The following KCNN3 variants were observed in gnomAD, a reference collection of about 807,000 sequenced individuals.
The protein encoded by KCNN3 is small conductance calcium-activated potassium channel protein 3.
Under a neutral mutation model 62.9 loss-of-function variants are expected in KCNN3, and 16 were observed. The ratio of observed to expected loss-of-function variants is 0.25; its 90% CI spans 0.17 to 0.39. KCNN3 has a LOEUF of 0.39. Ranked by LOEUF, KCNN3 falls within the 10% of genes least tolerant of loss-of-function variation. The pLI, the probability that KCNN3 is intolerant of heterozygous loss-of-function variation, is 1.00. For synonymous variants in KCNN3, 370 were observed against 389.2 expected (o/e 0.95, Z 0.58); for missense variants, 599 against 949.4 (o/e 0.63, Z 4.85).
intron 6 of KCNN3, among the ~76,000 whole-genome samples, chr1:154,714,279 G>A (rs1236886579): frequency 1.5e-5 from 2 of 131,138 alleles, no homozygotes; most frequent in Admixed American, 7.8e-5. Flanking sequence ...TGTGGTGTGT[G>A]TGGTGTGTGG....
chr1:154,858,024 T>A (rs1336302295), intron 1 of KCNN3, among the ~76,000 whole-genome samples: 1 of 152,160 alleles, frequency 6.6e-6, no homozygotes, highest in Non-Finnish European at 1.5e-5. Context: ...CTCAACTCCA[T>A]CCTAGACTTG....
At chr1:154,838,032 C>T (rs1651671501) in intron 1 of KCNN3, among the ~76,000 whole-genome samples, 1 of 152,180 alleles carries the variant, frequency 6.6e-6, no homozygotes, top group Non-Finnish European at 1.5e-5. Flanking sequence ...TCCTGGAGGA[C>T]TCACCCCTCT....
chr1:154,858,605 T>C (rs1371813818), intron 1 of KCNN3, among the ~76,000 whole-genome samples: 1 of 152,116 alleles, frequency 6.6e-6, no homozygotes, highest in Non-Finnish European at 1.5e-5. Context: ...ACACAGTGGG[T>C]GTTCAGGATA....
chr1:154,805,091 G>A (rs980673941), intron 2 of KCNN3, among the ~76,000 whole-genome samples: 4 of 152,172 alleles, frequency 2.6e-5, no homozygotes, highest in Admixed American at 2.6e-4. Flanking sequence ...CCCATGGGAG[G>A]GTCCTCTCTA....
rs956340277 is a variant in KCNN3 at position 154,772,651 on chromosome 1, T to A, written c.1030-258A>T. On this transcript the variant is annotated intron_variant, in intron 2 of 7. Coordinates refer to ENST00000271915, the MANE Select transcript of KCNN3 (RefSeq NM_002249.6). The surrounding 1 kb of genome is among the most constrained non-coding windows in gnomAD (Gnocchi z 5.6). ...CTCACTTTCCTCCTCTGCAAATCGC[T>A]GCCTGAGATATAGTGATTTATAATA... is the stretch of plus-strand genomic sequence containing the variant. Among the ~76,000 whole-genome samples the A allele has an allele frequency of 3.9e-5, 6 of 152,268 alleles. No homozygotes were observed. The highest frequency in any genetic ancestry group is 1.4e-4 in the African/African-American group (6 of 41,474).
intron 5 of KCNN3, among the ~76,000 whole-genome samples, chr1:154,721,893 T>C (rs1329114611): frequency 6.6e-6 from 1 of 151,276 alleles, no homozygotes; most frequent in Non-Finnish European, 1.5e-5. Context: ...AAGTTATAAT[T>C]ACAGAATAAC....
chr1:154,868,912 CTCTCTCTCTCTCTCTCTCTCTCTCAA>C, intron 1 of KCNN3, 94 bp downstream of exon 1: 1 of 996,844 alleles, frequency 1.0e-6, no homozygotes, highest in South Asian at 1.3e-5. Flanking sequence ...CTCTCTCTCT[CTCTCTCTCTCTCTCTCTCTCTCTCAA>C]TCTCTCTCTC....
chr1:154,714,609 T>TGC (rs763553824), intron 6 of KCNN3, among the ~76,000 whole-genome samples: 2,816 of 56,320 alleles, frequency 0.05, 137 homozygotes, highest in African/African-American at 0.11. Context: ...ATGTGTGGTG[T>TGC]GTGGTGTGTG....
chr1:154,865,136 G>C (rs1356224125), intron 1 of KCNN3, among the ~76,000 whole-genome samples: 1 of 152,040 alleles, frequency 6.6e-6, no homozygotes, highest in African/African-American at 2.4e-5. Context: ...CTGAACCCAG[G>C]GAAGAGAGCA....
rs1430236827 is a variant in KCNN3, at chr1:154,870,166, G to C, written c.-202C>G. 4.1e-6 allele frequency: 3 copies of C among 725,510 alleles called. No individual in the cohort carries two copies. The East Asian group carries it at 8.1e-5, about 20-fold the overall frequency. The allele number at this position is 725,510 out of a possible 1,614,324, so 44.9% of individuals were successfully genotyped here. ...TCAAGAATGCATTGTATTGGGCAGG[G>C]AGGGAGAGCAGGAGGGGAGCTTGGA... On this transcript the variant is annotated 5_prime_UTR_variant, in exon 1 of 8. Transcript: ENST00000271915.
intron 2 of KCNN3, among the ~76,000 whole-genome samples, chr1:154,779,720 G>A (rs1648942343): frequency 6.6e-6 from 1 of 152,186 alleles, no homozygotes; most frequent in South Asian, 2.1e-4. Context: ...GGACCTTGTT[G>A]GCAAATGCTG....
intron 3 of KCNN3, among the ~76,000 whole-genome samples, chr1:154,758,467 G>A (rs1023200202): frequency 6.6e-6 from 1 of 152,244 alleles, no homozygotes; most frequent in African/African-American, 2.4e-5. Context: ...GCCCGTTGCA[G>A]CATGTCTGGC....
In KCNN3 at chr1:154,809,374, T is replaced by C. The variant is rs1650308125; in HGVS notation, c.1029+12715A>G. On this transcript the variant is annotated intron_variant, in intron 2 of 7. Transcript: ENST00000271915. The surrounding 1 kb of genome is among the most constrained non-coding windows in gnomAD (Gnocchi z 4.3). Reference sequence around the variant, plus strand: ...CATGGCTCAATAAACACGTGTTCTATGAATGCAGAGCAGGCTTATTTGGGG... The same window carrying C: ...CATGGCTCAATAAACACGTGTTCTACGAATGCAGAGCAGGCTTATTTGGGG... Among the ~76,000 whole-genome samples, 1 of 151,998 alleles carries C rather than the reference T, an allele frequency of 6.6e-6. No individual in the cohort carries two copies. Among genetic ancestry groups the C allele is most frequent in the South Asian group, 2.1e-4 (1 of 4,808 alleles).
chr1:154,761,516 T>A (rs1648012515), intron 3 of KCNN3, among the ~76,000 whole-genome samples: 1 of 152,100 alleles, frequency 6.6e-6, no homozygotes, highest in Non-Finnish European at 1.5e-5. Context: ...ACTTAATGTT[T>A]CTATGTATTT....
intron 1 of KCNN3, among the ~76,000 whole-genome samples, chr1:154,859,278 T>A (rs1363395564): frequency 6.6e-6 from 1 of 152,244 alleles, no homozygotes; most frequent in African/African-American, 2.4e-5. Flanking sequence ...AAAGGGGTTT[T>A]GCTCTGCAAA....
At chr1:154,814,400 G>A (rs566775256) in intron 2 of KCNN3, among the ~76,000 whole-genome samples, 5 of 152,208 alleles carry the variant, frequency 3.3e-5, no homozygotes, top group Non-Finnish European at 7.3e-5. Context: ...GTCAGAGAAG[G>A]GAGTTGCAGG....
intron 6 of KCNN3, among the ~76,000 whole-genome samples, chr1:154,714,034 A>G (rs1202149760): frequency 1.7e-4 from 1 of 5,834 alleles, no homozygotes; most frequent in Admixed American, 2.1e-3. Context: ...GGTGTGTGTG[A>G]TGTGTGGTGT....
At chr1:154,764,234 A>G (rs1648154599) in intron 3 of KCNN3, among the ~76,000 whole-genome samples, 1 of 152,080 alleles carries the variant, frequency 6.6e-6, no homozygotes, top group African/African-American at 2.4e-5. Flanking sequence ...CTTCTTTCAT[A>G]CTTTGTATTG....
At chr1:154,722,318 T>G (rs1700367333) in intron 5 of KCNN3, among the ~76,000 whole-genome samples, 1 of 152,000 alleles carries the variant, frequency 6.6e-6, no homozygotes, top group Non-Finnish European at 1.5e-5. Context: ...TATGCCACAG[T>G]CAACTCCTTC....
Sources: allele counts gnomAD v4.1 joint callset (sites outside exome capture counted in the v4.1 genomes callset), GRCh38; gene constraint gnomAD v4.1.1; non-coding constraint Gnocchi (gnomAD v3.1); transcripts MANE v1.5; gene names NCBI Gene and HGNC (gene_info 2026-07-23, HGNC 2026-07-21).